Variants in SBF2 observed in about 807,000 individuals in gnomAD.
The protein encoded by SBF2 is SET binding factor 2.
SBF2 carries 112 observed loss-of-function variants against 225.2 expected under a neutral mutation model. The ratio of observed to expected loss-of-function variants is 0.50; its 90% confidence interval spans 0.43 to 0.58. The LOEUF is 0.58. SBF2 is among the 20% of genes least tolerant of loss of function. SBF2 has a pLI of 0.00. For synonymous variants in SBF2, 763 were observed against 773.3 expected (o/e 0.99, Z 0.22); for missense variants, 1,996 against 2,206.2 (o/e 0.90, Z 1.91).
At chr11:10,039,385 C>T (rs184005683) in intron 3 of SBF2, among the ~76,000 whole-genome samples, 3 of 151,442 alleles carry the variant, frequency 2.0e-5, no homozygotes, top group Admixed American at 1.3e-4. Context: ...ATTGTTTATC[C>T]CTCTTTTCCA....
intron 17 of SBF2, among the ~76,000 whole-genome samples, chr11:9,870,793 G>A (rs1441662529): frequency 6.6e-6 from 1 of 151,996 alleles, no homozygotes; most frequent in African/African-American, 2.4e-5. Context: ...GGCCAACATG[G>A]TGAAACCCCG....
At chr11:10,156,355 C>T (rs1038261601) in intron 2 of SBF2, among the ~76,000 whole-genome samples, 8 of 152,162 alleles carry the variant, frequency 5.3e-5, no homozygotes, top group South Asian at 2.1e-4. Flanking sequence ...AGCTGCCCCT[C>T]GGCGCGAACA....
At chr11:9,963,936 C>A (rs1279056185) in intron 14 of SBF2, 54 bp from the exon 15 acceptor site, 10 of 1,062,184 alleles carry the variant, frequency 9.4e-6, no homozygotes, top group African/African-American at 3.1e-5. Context: ...TTGGTAATTA[C>A]AAAAGCAAAG....
At chr11:9,955,171 G>A (rs1032595142) in intron 16 of SBF2, among the ~76,000 whole-genome samples, 2 of 151,956 alleles carry the variant, frequency 1.3e-5, no homozygotes, top group African/African-American at 4.8e-5. Context: ...ATATGTGTAT[G>A]TTTCAAGCAG....
In SBF2 at chr11:9,789,227, G is replaced by T; in HGVS notation, c.4814C>A (p.Pro1605His). 1 of 1,614,202 alleles carries T rather than the reference G, an allele frequency of 6.2e-7. No individual in the cohort carries two copies. Among genetic ancestry groups the T allele is most frequent in the Non-Finnish European group, 8.5e-7 (1 of 1,180,040 alleles). Residue 1605 changes from proline (P) to histidine (H), a missense_variant, in exon 35 of 40, where the codon CCC (proline) becomes CAC (histidine). Physicochemically the swap from Pro to His is moderately conservative, Grantham distance 77. Coordinates refer to ENST00000256190, the MANE Select transcript of SBF2 (RefSeq NM_030962.4). ...TCCAGCCAGGTCAGAGTCTTCGGAG[G>T]GGAAGTGCTTGGGGGTTAGCATCAT... ...DWMMLTPKHFPSEDSDLAGEA... is the reference protein window; with the variant it reads ...DWMMLTPKHFHSEDSDLAGEA...
intron 1 of SBF2, among the ~76,000 whole-genome samples, chr11:10,292,769 C>T (rs921184767): frequency 6.6e-6 from 1 of 151,998 alleles, no homozygotes; most frequent in African/African-American, 2.4e-5. Context: ...AACTGATTTC[C>T]CACACTTAAT....
At chr11:10,279,215 C>G (rs1057244701) in intron 1 of SBF2, among the ~76,000 whole-genome samples, 16 of 150,110 alleles carry the variant, frequency 1.1e-4, no homozygotes, top group Admixed American at 7.4e-4. Context: ...AGTTTAAGAC[C>G]AACCTGGCCA....
intron 3 of SBF2, among the ~76,000 whole-genome samples, chr11:10,041,674 T>C (rs757612451): frequency 5.3e-5 from 8 of 152,212 alleles, no homozygotes; most frequent in Non-Finnish European, 8.8e-5. Flanking sequence ...TCTCTTCTTG[T>C]ACTCAAAAAT....
At position 9,812,843 on chromosome 11, in the gene SBF2, G is replaced by A. The variant is rs567303475; in HGVS notation, c.3979-135C>T. ...CAGAGGCTGCCAATGGGTCAAGAAA[G>A]TCAATCTTGTACAGCAATGTGTCAG... is the stretch of plus-strand genomic sequence containing the variant. On this transcript the variant is annotated intron_variant, in intron 29 of 39. Coordinates refer to ENST00000256190, the MANE Select transcript of SBF2 (RefSeq NM_030962.4). 1.3e-4 allele frequency: 108 copies of A among 841,762 alleles called. 1 individual carries two copies. Among genetic ancestry groups the A allele is most frequent in the South Asian group, 1.1e-3 (71 of 67,308 alleles). 52.1% of individuals were successfully genotyped at this position (841,762 alleles called of 1,614,324 possible). A position where few individuals can be genotyped will look rare whatever the true frequency, so the allele number is the denominator to read the frequency against.
At chr11:10,298,341 AG>A (rs1964566898), upstream of SBF2, among the ~76,000 whole-genome samples, 1 of 152,238 alleles carries the variant, frequency 6.6e-6, no homozygotes, top group African/African-American at 2.4e-5. Flanking sequence ...CAGTGAGCCA[AG>A]ATCGCGCCAT....
chr11:10,251,475 C>T (rs1402760792), intron 1 of SBF2, among the ~76,000 whole-genome samples: 1 of 152,184 alleles, frequency 6.6e-6, no homozygotes, highest in African/African-American at 2.4e-5. Flanking sequence ...GCTACTGACA[C>T]TTGTGGCCTA....
At chr11:10,232,795 G>C (rs1319055096) in intron 1 of SBF2, among the ~76,000 whole-genome samples, 1 of 152,158 alleles carries the variant, frequency 6.6e-6, no homozygotes, top group Non-Finnish European at 1.5e-5. Flanking sequence ...TTTGGGAAAA[G>C]TTTATTTCCT....
chr11:9,830,800 T>C (rs891699139), intron 27 of SBF2, among the ~76,000 whole-genome samples: 3 of 149,228 alleles, frequency 2.0e-5, no homozygotes, highest in Non-Finnish European at 3.0e-5. Context: ...AAAAAAACCC[T>C]AAAGATATTA....
At chr11:9,831,230 C>A (rs945979317) in intron 27 of SBF2, among the ~76,000 whole-genome samples, 1 of 152,156 alleles carries the variant, frequency 6.6e-6, no homozygotes, top group Non-Finnish European at 1.5e-5. Context: ...AACTCCTGGG[C>A]GCAAGCAATC....
rs372109447 is a variant in SBF2 at position 9,963,861 on chromosome 11, G to A, written c.1622C>T (p.Thr541Met). ...TCTTTGTGCACTGTTGAAAACTGTC[G>A]TCACCTTGTCCATTATCGAAACTAG... ...PPVVSIMDKV[T>M]TVFNSAQRLE... The change falls in exon 15 of 40, where the codon ACG becomes ATG. Residue 541 changes from threonine to methionine, a missense_variant. Physicochemically the swap from Thr to Met is moderately conservative, Grantham distance 81. Coordinates refer to ENST00000256190, the MANE Select transcript of SBF2 (RefSeq NM_030962.4). The A allele has an allele frequency of 2.4e-5, 38 of 1,600,354 alleles. No individual in the cohort carries two copies. The highest frequency in any genetic ancestry group is 8.0e-5 in the African/African-American group (6 of 74,602).
intron 2 of SBF2, among the ~76,000 whole-genome samples, chr11:10,159,852 T>C (rs1327055744): frequency 6.6e-6 from 1 of 151,582 alleles, no homozygotes; most frequent in Non-Finnish European, 1.5e-5. Flanking sequence ...ATCACGCCAC[T>C]GCACTCCAGC....
chr11:10,071,754 CAT>C (rs1202208599), intron 2 of SBF2, among the ~76,000 whole-genome samples: 1 of 152,124 alleles, frequency 6.6e-6, no homozygotes, highest in African/African-American at 2.4e-5. Flanking sequence ...TTGAGATAAT[CAT>C]GTGGTTTTTC....
chr11:9,883,261 C>T (rs1859978497), intron 17 of SBF2, among the ~76,000 whole-genome samples: 1 of 152,016 alleles, frequency 6.6e-6, no homozygotes, highest in Non-Finnish European at 1.5e-5. Context: ...TTACTATGTA[C>T]CAGTATTTCT....
At chr11:10,159,682 C>A (rs567566110) in intron 2 of SBF2, among the ~76,000 whole-genome samples, 60 of 152,264 alleles carry the variant, frequency 3.9e-4, no homozygotes, top group Non-Finnish European at 8.1e-4. Flanking sequence ...GCAGGTGGAT[C>A]ACGAGGTCAG....
Sources: allele counts gnomAD v4.1 joint callset (sites outside exome capture counted in the v4.1 genomes callset), GRCh38; gene constraint gnomAD v4.1.1; transcripts MANE v1.5; gene names NCBI Gene and HGNC (gene_info 2026-07-23, HGNC 2026-07-21).